The following ATP13A4 variants were observed in gnomAD, a reference collection of about 807,000 sequenced individuals.
The protein encoded by ATP13A4 is probable cation-transporting ATPase 13A4.
Under a neutral mutation model 142.5 loss-of-function variants are expected in ATP13A4, and 114 were observed. That is an observed-to-expected ratio of 0.80 (90% CI 0.69 to 0.93). ATP13A4 has a LOEUF of 0.93. Among genes scored for constraint, ATP13A4 ranks in the 40% least tolerant of loss-of-function variants. ATP13A4 has a pLI of 0.00. For missense variants in ATP13A4, 1,392 were observed against 1,454.0 expected (o/e 0.96, Z 0.69); for synonymous variants, 488 against 514.8 (o/e 0.95, Z 0.70).
Position 193,478,965 on chromosome 3 carries a change from T to G in ATP13A4, c.808+4971A>C, listed in dbSNP as rs558362050. On this transcript the variant is annotated intron_variant, in intron 8 of 29. Coordinates refer to ENST00000342695, the MANE Select transcript of ATP13A4 (RefSeq NM_032279.4). ...CCAAGAATGCAGGGATGATTTAACA[T>G]CCACAAGTCAATAAATGTGATACAC... Among the ~76,000 whole-genome samples, 3 of 152,214 alleles carry G rather than the reference T, an allele frequency of 2.0e-5. No homozygotes were observed. The East Asian group carries it at 5.8e-4, about 29-fold the overall frequency.
chr3:193,526,690 T>C (rs1365822551), intron 1 of ATP13A4, among the ~76,000 whole-genome samples: 3 of 152,150 alleles, frequency 2.0e-5, no homozygotes, highest in Admixed American at 6.6e-5. Flanking sequence ...AAAAATATTG[T>C]TATGGGATAC....
At chr3:193,544,162 T>C (rs536640811) in intron 1 of ATP13A4, among the ~76,000 whole-genome samples, 20 of 152,292 alleles carry the variant, frequency 1.3e-4, no homozygotes, top group African/African-American at 3.9e-4. Flanking sequence ...TGGAATGAGA[T>C]AGTAACTGAC....
In ATP13A4 at chr3:193,412,358, G is replaced by T; in HGVS notation, c.3028C>A (p.Gln1010Lys). The change falls in exon 27 of 30, where the codon CAA becomes AAA. Residue 1010 changes from glutamine to lysine, a missense_variant. By Grantham distance (53) the Gln-to-Lys change is moderately conservative (BLOSUM62 1). Transcript: ENST00000342695. The part of the protein sequence containing the change: ...SVEIHSACTV[Q>K]NESISELTMS... ...GTTAACTCTGAGATGCTTTCATTTT[G>T]TACTGTGCAGGCACTAAAAGGGAAA... The T allele has an allele frequency of 6.2e-7, 1 of 1,614,036 alleles. No homozygotes were observed. The highest frequency in any genetic ancestry group is 1.1e-5 in the South Asian group (1 of 91,072).
intron 1 of ATP13A4, among the ~76,000 whole-genome samples, chr3:193,547,689 C>T (rs1234134507): frequency 1.3e-5 from 2 of 152,028 alleles, no homozygotes; most frequent in African/African-American, 2.4e-5. Context: ...TATTTGTAGC[C>T]CTGGGTTCCT....
chr3:193,498,052 A>G (rs1720340162), intron 3 of ATP13A4, among the ~76,000 whole-genome samples: 1 of 152,162 alleles, frequency 6.6e-6, no homozygotes, highest in South Asian at 2.1e-4. Flanking sequence ...ATTCCAAAAT[A>G]GCTAGAAGAA....
At chr3:193,413,297 T>C (rs1714869607) in intron 26 of ATP13A4, among the ~76,000 whole-genome samples, 1 of 152,238 alleles carries the variant, frequency 6.6e-6, no homozygotes. Flanking sequence ...AATCCTGTTA[T>C]CTTCGTAAGC....
intron 26 of ATP13A4, among the ~76,000 whole-genome samples, chr3:193,412,629 C>T (rs200648034): frequency 6.7e-6 from 1 of 149,340 alleles, no homozygotes; most frequent in African/African-American, 2.5e-5. Flanking sequence ...GAGAGAGAGA[C>T]AGAGAGAGAG....
chr3:193,454,904 A>G (rs1576980465), intron 16 of ATP13A4, among the ~76,000 whole-genome samples: 1 of 152,330 alleles, frequency 6.6e-6, no homozygotes, highest in African/African-American at 2.4e-5. Flanking sequence ...AGCAAAAGAA[A>G]CTGTCAAAGA....
chr3:193,471,944 G>A (rs987607370), intron 8 of ATP13A4, among the ~76,000 whole-genome samples: 1 of 152,132 alleles, frequency 6.6e-6, no homozygotes, highest in Non-Finnish European at 1.5e-5. Flanking sequence ...ACATGACCTG[G>A]TATAGGGTGT....
At chr3:193,433,142 A>G (rs1293911809) in intron 25 of ATP13A4, among the ~76,000 whole-genome samples, 1 of 152,210 alleles carries the variant, frequency 6.6e-6, no homozygotes, top group African/African-American at 2.4e-5. Context: ...AAAGCAAAAC[A>G]ACAAAGACAT....
intron 13 of ATP13A4, among the ~76,000 whole-genome samples, chr3:193,459,937 G>A (rs1472128698): frequency 6.6e-6 from 1 of 152,150 alleles, no homozygotes; most frequent in Non-Finnish European, 1.5e-5. Flanking sequence ...CAGCTTTGGC[G>A]TCACAAGAAG....
In ATP13A4 at chr3:193,491,352, T is replaced by C. The variant is rs1216878609; in HGVS notation, c.580A>G (p.Ile194Val). The change falls in exon 6 of 30, where the codon ATT becomes GTT. Residue 194 changes from isoleucine to valine, a missense_variant. Coordinates refer to ENST00000342695, the MANE Select transcript of ATP13A4 (RefSeq NM_032279.4). ...PNTIDVEVTPIWKLLIKEVLN... is the reference protein window; with the variant it reads ...PNTIDVEVTPVWKLLIKEVLN... ...ACCTCCTTGATGAGCAGTTTCCAAA[T>C]TGGTGTAACTTCAACATCGATAGTA... The C allele has an allele frequency of 6.2e-7, 1 of 1,602,328 alleles. No homozygotes were observed.
chr3:193,544,707 G>T (rs781632693), intron 1 of ATP13A4, among the ~76,000 whole-genome samples: 4 of 152,200 alleles, frequency 2.6e-5, no homozygotes, highest in Non-Finnish European at 1.5e-5. Flanking sequence ...GGGATCTGGA[G>T]GTTTTGTTTC....
chr3:193,494,780 T>C (rs1014496513), intron 3 of ATP13A4, among the ~76,000 whole-genome samples: 2 of 151,258 alleles, frequency 1.3e-5, no homozygotes, highest in Non-Finnish European at 3.0e-5. Context: ...AGAACACAGG[T>C]AAATAAAACG....
Position 193,401,428 on chromosome 3 carries a change from A to T in ATP13A4, c.*1224T>A, listed in dbSNP as rs948947839. The stretch of plus-strand genomic sequence containing the variant: ...ATGTACTAGTTGTGTAAGAACTCCC[A>T]TCAATAGTGCCATATAATGCTGTAG... On this transcript the variant is annotated 3_prime_UTR_variant, in exon 30 of 30. Coordinates refer to ENST00000342695, the MANE Select transcript of ATP13A4 (RefSeq NM_032279.4). Among the ~76,000 whole-genome samples, 1 of 152,234 alleles carries T rather than the reference A, an allele frequency of 6.6e-6. No individual in the cohort carries two copies. The highest frequency in any genetic ancestry group is 1.5e-5 in the Non-Finnish European group (1 of 68,038).
chr3:193,498,786 A>G (rs941254479), intron 3 of ATP13A4, among the ~76,000 whole-genome samples: 13 of 152,200 alleles, frequency 8.5e-5, no homozygotes, highest in Non-Finnish European at 1.9e-4. Context: ...CCCATGAATA[A>G]ATTTAGACAA....
rs764141453 is a variant in ATP13A4 at position 193,465,186 on chromosome 3, C to A, written c.1273-58G>T. ...CAAATCTCTGATGAACAGCATATGACTCTTTGCCTTTTTTTTTTGAGGCGG... is the reference window on the plus strand; with the variant it reads ...CAAATCTCTGATGAACAGCATATGAATCTTTGCCTTTTTTTTTTGAGGCGG... On this transcript the variant is annotated intron_variant, in intron 11 of 29. Coordinates refer to ENST00000342695, the MANE Select transcript of ATP13A4 (RefSeq NM_032279.4). 307 of 1,555,350 alleles carry A rather than the reference C, an allele frequency of 2.0e-4. 3 individuals carry two copies. Among genetic ancestry groups the A allele is most frequent in the Admixed American group, 3.6e-5 (2 of 55,436 alleles).
chr3:193,589,915 T>G (rs1476325773), intron 1 of ATP13A4, among the ~76,000 whole-genome samples: 1 of 150,146 alleles, frequency 6.7e-6, no homozygotes, highest in African/African-American at 2.5e-5. Flanking sequence ...TATAATTTAT[T>G]CATATAATTT....
intron 8 of ATP13A4, among the ~76,000 whole-genome samples, chr3:193,477,909 T>C (rs1250139327): frequency 1.3e-5 from 2 of 151,976 alleles, no homozygotes; most frequent in African/African-American, 4.8e-5. Flanking sequence ...CAACTGAACA[T>C]TTACATTTTA....
Sources: allele counts gnomAD v4.1 joint callset (sites outside exome capture counted in the v4.1 genomes callset), GRCh38; gene constraint gnomAD v4.1.1; transcripts MANE v1.5; gene names NCBI Gene and HGNC (gene_info 2026-07-23, HGNC 2026-07-21).